Variants in PTCHD1 observed in about 807,000 individuals in gnomAD.
PTCHD1 encodes patched domain-containing protein 1.
PTCHD1 carries 3 observed loss-of-function variants against 34.6 expected under a neutral mutation model. The ratio of observed to expected loss-of-function variants is 0.09; its 90% CI spans 0.04 to 0.22. The LOEUF (loss-of-function observed/expected upper bound fraction) is 0.22. Among genes scored for constraint, PTCHD1 ranks in the 10% least tolerant of loss-of-function variants. The pLI is 1.00. For missense variants in PTCHD1, 504 were observed against 685.5 expected (o/e 0.74, Z 2.96); for synonymous variants, 305 against 283.1 (o/e 1.08, Z -0.77).
intron 1 of PTCHD1, among the ~76,000 whole-genome samples, chrX:23,366,417 C>G (rs1922141420): frequency 8.9e-6 from 1 of 112,205 alleles, no homozygotes; most frequent in Admixed American, 9.4e-5. Flanking sequence ...GCCTGCCCCT[C>G]TGGCTTTCCT....
At chrX:23,386,288 T>C (rs1026082371) in intron 2 of PTCHD1, among the ~76,000 whole-genome samples, 3 of 111,898 alleles carry the variant, frequency 2.7e-5, no homozygotes, top group South Asian at 3.7e-4. Flanking sequence ...CTTTTACAGC[T>C]ATCTAGTGAA....
chrX:23,374,826 T>C (rs1922368953), intron 1 of PTCHD1, among the ~76,000 whole-genome samples: 1 of 111,750 alleles, frequency 8.9e-6, no homozygotes, highest in African/African-American at 3.3e-5. Context: ...TTATGTAGTG[T>C]TAAAACTGGA....
At position 23,402,827 on chromosome X, in the gene PTCHD1, G is replaced by A. The variant is rs1250369449; in HGVS notation, c.*8642G>A. The A allele has an allele frequency of 8.9e-6, 1 of 112,564 alleles. No homozygotes were observed. Among genetic ancestry groups the A allele is most frequent in the East Asian group, 2.8e-4 (1 of 3,611 alleles). The allele number at this position is 112,564 out of a possible 1,213,427, so 9.3% of individuals were successfully genotyped here. ...AAGGTTTCAAAGTTGTAAAAAATAT[G>A]TCTACATAGCCAATGCTCTTAGTAT... On this transcript the variant is annotated 3_prime_UTR_variant, in exon 3 of 3. Coordinates refer to ENST00000379361, the MANE Select transcript of PTCHD1 (RefSeq NM_173495.3).
Position 23,396,207 on chromosome X carries a change from G to T in PTCHD1, c.*2022G>T, listed in dbSNP as rs1922985891. 1 of 112,032 alleles carries T rather than the reference G, an allele frequency of 8.9e-6. No homozygotes were observed. The highest frequency in any genetic ancestry group is 9.5e-5 in the Admixed American group (1 of 10,523). The allele number at this position is 112,032 out of a possible 1,213,427, so 9.2% of individuals were successfully genotyped here. ...ATACAGTTCTAAATACATGTGCAGG[G>T]GATTGTAGCTAATGCATTACACAGT... On this transcript the variant is annotated 3_prime_UTR_variant, in exon 3 of 3. Transcript: ENST00000379361.
chrX:23,359,146 C>T lies in PTCHD1; in HGVS notation c.352-20445C>T, dbSNP rs1026576271. Among the ~76,000 whole-genome samples, 6 of 112,228 alleles carry T rather than the reference C, an allele frequency of 5.3e-5. No homozygotes were observed. In the East Asian group the frequency reaches 1.4e-3, roughly 26 times the overall value. On this transcript the variant is annotated intron_variant, in intron 1 of 2. Coordinates refer to ENST00000379361, the MANE Select transcript of PTCHD1 (RefSeq NM_173495.3). ...GGCAATGCAGGCTCCTTTTTGGTTC[C>T]ATATGAACTTTAAAGTAGTTTTTTC...
intron 1 of PTCHD1, among the ~76,000 whole-genome samples, chrX:23,378,919 C>G (rs1569139683): frequency 8.9e-6 from 1 of 111,774 alleles, no homozygotes; most frequent in South Asian, 3.8e-4. Context: ...CCCATATATC[C>G]CAGCCAGGCT....
intron 1 of PTCHD1, among the ~76,000 whole-genome samples, chrX:23,343,543 G>T (rs956276318): frequency 8.9e-6 from 1 of 112,375 alleles, no homozygotes; most frequent in African/African-American, 3.2e-5. Context: ...TCAAGGACAA[G>T]TGGTTTTCCT....
intron 1 of PTCHD1, among the ~76,000 whole-genome samples, chrX:23,346,995 A>G (rs1276310138): frequency 8.9e-6 from 1 of 112,100 alleles, no homozygotes; most frequent in African/African-American, 3.2e-5. Context: ...CAACAATATT[A>G]TCATTGTGAA....
Position 23,380,208 on chromosome X carries a change from G to A in PTCHD1, c.969G>A (p.Gly323=), listed in dbSNP as rs1432758850. ...TAAGIINLTG[G]KYNSTFLGVP... Reference sequence around the variant, plus strand: ...CCGGGATCATCAATCTTACTGGTGGGAAATATAATTCCACCTTCCTGGGAG... The same window carrying A: ...CCGGGATCATCAATCTTACTGGTGGAAAATATAATTCCACCTTCCTGGGAG... The change falls in exon 2 of 3, where the codon GGG becomes GGA. Residue 323 remains glycine (G), a synonymous_variant. Transcript: ENST00000379361. The A allele has an allele frequency of 2.1e-5, 25 of 1,208,990 alleles. No homozygotes were observed. Among genetic ancestry groups the A allele is most frequent in the East Asian group, 3.0e-5 (1 of 33,756 alleles).
chrX:23,369,064 T>G lies in PTCHD1; in HGVS notation c.352-10527T>G, dbSNP rs897264996. Among the ~76,000 whole-genome samples the G allele has an allele frequency of 2.7e-5, 3 of 111,483 alleles. No homozygotes were observed. The Admixed American group carries it at 2.9e-4, about 11-fold the overall frequency. On this transcript the variant is annotated intron_variant, in intron 1 of 2. Coordinates refer to ENST00000379361, the MANE Select transcript of PTCHD1 (RefSeq NM_173495.3). Reference sequence around the variant, plus strand: ...GGGCAACAAAAGCAAAAATACTCCGTCTCAAAAAAGAAAAAAAAGACACAT... The same window carrying G: ...GGGCAACAAAAGCAAAAATACTCCGGCTCAAAAAAGAAAAAAAAGACACAT...
chrX:23,359,462 T>C (rs1297542548), intron 1 of PTCHD1, among the ~76,000 whole-genome samples: 1 of 111,966 alleles, frequency 8.9e-6, no homozygotes, highest in Non-Finnish European at 1.9e-5. Flanking sequence ...CTGTTATTAG[T>C]GTATGGGAAT....
chrX:23,337,659 G>C (rs67551063), intron 1 of PTCHD1, among the ~76,000 whole-genome samples: 20,264 of 110,769 alleles, frequency 0.18, 1,754 homozygotes, highest in African/African-American at 0.33. Context: ...AGCATTGACA[G>C]TTAACACTAC....
chrX:23,384,642 C>T (rs777579718), intron 2 of PTCHD1, among the ~76,000 whole-genome samples: 1 of 111,930 alleles, frequency 8.9e-6, no homozygotes, highest in African/African-American at 3.2e-5. Flanking sequence ...TCATGCAAAA[C>T]ATTTAGTTCC....
chrX:23,351,269 C>A (rs963899857), intron 1 of PTCHD1: 18 of 802,782 alleles, frequency 2.2e-5, no homozygotes, highest in Non-Finnish European at 3.4e-5. Flanking sequence ...TCAGTTGACT[C>A]ATTCACTCTG....
intron 1 of PTCHD1, among the ~76,000 whole-genome samples, chrX:23,358,962 G>A (rs1456153406): frequency 8.9e-6 from 1 of 111,925 alleles, no homozygotes; most frequent in East Asian, 2.8e-4. Flanking sequence ...GGTTGTAGAT[G>A]CGTGGTGTTA....
At chrX:23,353,656 A>G (rs1173008160) in intron 1 of PTCHD1, among the ~76,000 whole-genome samples, 2 of 112,478 alleles carry the variant, frequency 1.8e-5, no homozygotes, top group African/African-American at 6.5e-5. Flanking sequence ...GATGAAGAGC[A>G]GCTGCTTTCC....
chrX:23,378,776 A>C (rs2146641002), intron 1 of PTCHD1, among the ~76,000 whole-genome samples: 1 of 112,632 alleles, frequency 8.9e-6, no homozygotes, highest in Admixed American at 9.4e-5. Context: ...CCTGGCATGT[A>C]GTAGGGGCAG....
At chrX:23,380,762 A>T (rs1922541501) in intron 2 of PTCHD1, among the ~76,000 whole-genome samples, 1 of 110,600 alleles carries the variant, frequency 9.0e-6, no homozygotes, top group Non-Finnish European at 1.9e-5. Flanking sequence ...CCTTTGGGAG[A>T]CCTTGTGAAA....
intron 2 of PTCHD1, among the ~76,000 whole-genome samples, chrX:23,383,527 G>A (rs1485368545): frequency 8.9e-6 from 1 of 111,839 alleles, no homozygotes; most frequent in Non-Finnish European, 1.9e-5. Flanking sequence ...TCACCATAAT[G>A]GGATGTGACT....
Sources: allele counts gnomAD v4.1 joint callset (sites outside exome capture counted in the v4.1 genomes callset), GRCh38; gene constraint gnomAD v4.1.1; transcripts MANE v1.5; gene names NCBI Gene and HGNC (gene_info 2026-07-23, HGNC 2026-07-21).